Variants in UNC93A observed in about 807,000 individuals in gnomAD.
The protein encoded by UNC93A is unc-93 homolog A.
Under a neutral mutation model 47.5 loss-of-function variants are expected in UNC93A, and 43 were observed. The observed-to-expected ratio is 0.91, with a 90% CI of 0.71 to 1.17. The LOEUF (loss-of-function observed/expected upper bound fraction) is 1.17, where lower values mean the gene tolerates loss of function less well. Ranked by LOEUF, UNC93A falls within the 50% of genes most tolerant of loss-of-function variation. The pLI is 0.00. For synonymous variants in UNC93A, 280 were observed against 258.0 expected (o/e 1.09, Z -0.82); for missense variants, 605 against 577.6 (o/e 1.05, Z -0.49).
chr6:167,290,022 A>G (rs1333188040), upstream of UNC93A, among the ~76,000 whole-genome samples: 1 of 152,160 alleles, frequency 6.6e-6, no homozygotes, highest in East Asian at 1.9e-4. Flanking sequence ...TTTGCTATAT[A>G]TCGGGTGCTG....
chr6:167,306,986 C>T (rs1351971244), intron 6 of UNC93A, among the ~76,000 whole-genome samples: 2 of 152,304 alleles, frequency 1.3e-5, no homozygotes, highest in Middle Eastern at 3.4e-3. Context: ...CCCACAGATG[C>T]TACCTGCCTG....
intron 7 of UNC93A, among the ~76,000 whole-genome samples, chr6:167,309,956 G>C (rs778886998): frequency 1.3e-5 from 2 of 152,186 alleles, no homozygotes; most frequent in Non-Finnish European, 2.9e-5. Context: ...TGGACCCGAG[G>C]CCAGGCCGGG....
intron 7 of UNC93A, among the ~76,000 whole-genome samples, chr6:167,311,216 G>A (rs1311627038): frequency 2.0e-5 from 3 of 152,258 alleles, no homozygotes; most frequent in African/African-American, 4.8e-5. Flanking sequence ...TAACGACACC[G>A]AATAAAACCC....
At chr6:167,293,072 G>A (rs750052880) in intron 1 of UNC93A, among the ~76,000 whole-genome samples, 1 of 152,142 alleles carries the variant, frequency 6.6e-6, no homozygotes, top group South Asian at 2.1e-4. Context: ...AGGCTGTGAC[G>A]GCAGGACCCA....
At chr6:167,300,055 G>A (rs1303553732) in intron 4 of UNC93A, among the ~76,000 whole-genome samples, 2 of 139,566 alleles carry the variant, frequency 1.4e-5, no homozygotes, top group Non-Finnish European at 3.1e-5. Flanking sequence ...GGTTGGACAT[G>A]GTGTGGGGAA....
intron 1 of UNC93A, among the ~76,000 whole-genome samples, chr6:167,293,331 T>C (rs1562348163): frequency 6.6e-6 from 1 of 151,992 alleles, no homozygotes; most frequent in Non-Finnish European, 1.5e-5. Flanking sequence ...GAGCCAGACC[T>C]CCCTCTCTGC....
intron 1 of UNC93A, among the ~76,000 whole-genome samples, chr6:167,292,805 G>A (rs988222139): frequency 6.6e-6 from 1 of 152,192 alleles, no homozygotes; most frequent in Non-Finnish European, 1.5e-5. Context: ...TCTCAAGGAT[G>A]TGGACTGGTC....
intron 7 of UNC93A, among the ~76,000 whole-genome samples, chr6:167,308,330 G>A (rs1778459521): frequency 6.6e-6 from 1 of 152,148 alleles, no homozygotes; most frequent in Non-Finnish European, 1.5e-5. Flanking sequence ...CTTCCAAGGA[G>A]CCCACGGGAC....
At chr6:167,308,300 G>A (rs945210538) in intron 7 of UNC93A, among the ~76,000 whole-genome samples, 3 of 152,164 alleles carry the variant, frequency 2.0e-5, no homozygotes, top group Non-Finnish European at 4.4e-5. Flanking sequence ...ACCTGGGCCT[G>A]GGGTGTAAAC....
chr6:167,298,296 AC>A (rs2115136810), intron 4 of UNC93A: 1 of 525,096 alleles, frequency 1.9e-6, no homozygotes, highest in Non-Finnish European at 3.1e-6. Context: ...AGATTGTTAT[AC>A]ATCTCCAGAG....
chr6:167,304,101 C>T lies in UNC93A; in HGVS notation c.808C>T (p.Gln270Ter), dbSNP rs767267679. ...LILLPLYSGL[Q>*]QGFLSSEYTR... Reference sequence around the variant, plus strand: ...TCTGCTGCCGCTGTACAGTGGATTGCAGCAAGGATTCCTCTCCAGCGAATA... The same window carrying T: ...TCTGCTGCCGCTGTACAGTGGATTGTAGCAAGGATTCCTCTCCAGCGAATA... Residue 270 changes from glutamine to a stop codon, truncating the protein, a stop_gained, in exon 5 of 8, where the codon CAG becomes TAG. Coordinates refer to ENST00000230256, the MANE Select transcript of UNC93A (RefSeq NM_018974.4). LOFTEE classifies it high-confidence loss of function. 2 of 1,614,174 alleles carry T rather than the reference C, an allele frequency of 1.2e-6. No homozygotes were observed.
chr6:167,309,683 T>C (rs678417), intron 7 of UNC93A, among the ~76,000 whole-genome samples: 7 of 152,192 alleles, frequency 4.6e-5, no homozygotes, highest in African/African-American at 1.4e-4. Flanking sequence ...AAAGAGCACA[T>C]GTGACCTCAG....
chr6:167,277,348 C>A (rs1783560194), intron 1 of UNC93A, among the ~76,000 whole-genome samples: 1 of 152,198 alleles, frequency 6.6e-6, no homozygotes, highest in Admixed American at 6.5e-5. Context: ...GTGGAGCCTT[C>A]CAGCTGGCCT....
chr6:167,277,594 C>T (rs1035737300), intron 1 of UNC93A, among the ~76,000 whole-genome samples: 3 of 152,000 alleles, frequency 2.0e-5, no homozygotes, highest in Non-Finnish European at 4.4e-5. Context: ...ACTGTCTCCA[C>T]CGTTCTCTGG....
At chr6:167,309,260 C>T (rs1017413497) in intron 7 of UNC93A, among the ~76,000 whole-genome samples, 13 of 152,280 alleles carry the variant, frequency 8.5e-5, no homozygotes, top group Admixed American at 6.5e-4. Context: ...CAAGGAGATG[C>T]GTGAGAGCGT....
chr6:167,301,996 C>T (rs12662479), intron 4 of UNC93A, among the ~76,000 whole-genome samples: 39,319 of 152,026 alleles, frequency 0.26, 5,128 homozygotes, highest in Middle Eastern at 0.32. Context: ...TGCTTTCATA[C>T]GAAATTTCAC....
chr6:167,280,205 A>G (rs1319047162), intron 1 of UNC93A, among the ~76,000 whole-genome samples: 2 of 152,114 alleles, frequency 1.3e-5, no homozygotes, highest in East Asian at 1.9e-4. Context: ...GATCAGCAAA[A>G]CTGGCCACCT....
upstream of UNC93A, among the ~76,000 whole-genome samples, chr6:167,287,891 G>A (rs117258375): frequency 3.6e-3 from 545 of 152,322 alleles, 2 homozygotes; most frequent in Non-Finnish European, 5.1e-3. Flanking sequence ...GGAAGACGGT[G>A]ATCAATCACA....
chr6:167,314,983 T>C (rs768703364), intron 7 of UNC93A, among the ~76,000 whole-genome samples: 3 of 152,136 alleles, frequency 2.0e-5, no homozygotes, highest in Admixed American at 6.5e-5. Context: ...CTGGGCAAAA[T>C]AAACATTCTA....
Sources: gnomAD v4.1 joint callset for allele counts (sites outside exome capture counted in the v4.1 genomes callset) on GRCh38, gnomAD v4.1.1 for gene constraint, MANE v1.5 for transcripts, NCBI Gene and HGNC (gene_info 2026-07-23, HGNC 2026-07-21) for gene names.